The following HDAC4 variants were observed in gnomAD, a reference collection of about 807,000 sequenced individuals.
HDAC4 encodes histone deacetylase 4, also known as histone deacetylase A.
HDAC4 carries 16 observed loss-of-function variants against 135.1 expected under a neutral mutation model. The ratio of observed to expected loss-of-function variants is 0.12; its 90% CI spans 0.08 to 0.18. The LOEUF is 0.18. HDAC4 is among the 10% of genes least tolerant of loss of function. The pLI is 1.00. For missense variants in HDAC4, 1,143 were observed against 1,511.8 expected, an observed-to-expected ratio of 0.76 and a Z score of 4.05; for synonymous variants, 685 against 653.4, an observed-to-expected ratio of 1.05 and a Z score of -0.74.
intron 1 of HDAC4, among the ~76,000 whole-genome samples, chr2:239,391,382 A>AG (rs1696197630): frequency 6.6e-6 from 1 of 152,206 alleles, no homozygotes; most frequent in South Asian, 2.1e-4. Context: ...GACCTGCTGC[A>AG]GAGACACCCT....
At chr2:239,202,094 T>G (rs2045791044) in intron 3 of HDAC4, among the ~76,000 whole-genome samples, 1 of 152,134 alleles carries the variant, frequency 6.6e-6, no homozygotes, top group Non-Finnish European at 1.5e-5. Flanking sequence ...AACATTCTGA[T>G]GGAGAAGGCG....
chr2:239,086,844 C>T (rs2036016418), intron 19 of HDAC4, among the ~76,000 whole-genome samples: 1 of 152,266 alleles, frequency 6.6e-6, no homozygotes, highest in Non-Finnish European at 1.5e-5. Context: ...TCTCCATCTC[C>T]AGAGCATGGG....
At chr2:239,295,933 CTT>C (rs2051860333) in intron 2 of HDAC4, among the ~76,000 whole-genome samples, 1 of 152,206 alleles carries the variant, frequency 6.6e-6, no homozygotes, top group Admixed American at 6.5e-5. Context: ...GCAACAGCTT[CTT>C]ACAGGGTGCT....
At chr2:239,164,022 C>A in intron 5 of HDAC4, 99 bp from the exon 6 acceptor site, 2 of 1,446,138 alleles carry the variant, frequency 1.4e-6, no homozygotes, top group South Asian at 1.1e-5. Context: ...GGGCTGGGGA[C>A]GGCTATGCAC....
chr2:239,374,446 C>T (rs922679966), intron 1 of HDAC4, among the ~76,000 whole-genome samples: 2 of 122,092 alleles, frequency 1.6e-5, no homozygotes, highest in Non-Finnish European at 3.2e-5. Flanking sequence ...CTCTGTCGCC[C>T]AGGCTGGAGT....
At chr2:239,366,226 T>C (rs988114196) in intron 1 of HDAC4, among the ~76,000 whole-genome samples, 5 of 151,116 alleles carry the variant, frequency 3.3e-5, no homozygotes, top group Non-Finnish European at 7.4e-5. Flanking sequence ...GTTGTCAGGG[T>C]CACGCGTGTG....
intron 24 of HDAC4, among the ~76,000 whole-genome samples, chr2:239,057,975 C>T (rs185815752): frequency 1.7e-3 from 262 of 152,290 alleles, no homozygotes; most frequent in Non-Finnish European, 2.0e-3. Flanking sequence ...TGGGATGGGG[C>T]ACTGAGGCTA....
At chr2:239,149,692 G>C (rs915424010) in intron 7 of HDAC4, among the ~76,000 whole-genome samples, 2 of 152,212 alleles carry the variant, frequency 1.3e-5, no homozygotes, top group African/African-American at 4.8e-5. Context: ...CCTCGACTTT[G>C]AAGCACGTTG....
chr2:239,259,710 T>C (rs866092012), intron 2 of HDAC4, among the ~76,000 whole-genome samples: 3 of 152,104 alleles, frequency 2.0e-5, no homozygotes, highest in African/African-American at 7.2e-5. Flanking sequence ...TAGACCGAAG[T>C]GACAAAACCA....
intron 7 of HDAC4, among the ~76,000 whole-genome samples, chr2:239,149,768 C>T (rs1270834408): frequency 6.6e-6 from 1 of 152,098 alleles, no homozygotes; most frequent in Non-Finnish European, 1.5e-5. Context: ...GGTGACGGCA[C>T]TGCTCACTCA....
intron 7 of HDAC4, chr2:239,154,720 C>T (rs534186792): frequency 1.3e-5 from 2 of 152,300 alleles, no homozygotes. Context: ...CAGATTCTCT[C>T]CTGATACTAC....
intron 12 of HDAC4, among the ~76,000 whole-genome samples, chr2:239,120,395 GCACACAGACACA>G (rs1553622834): frequency 1.4e-4 from 20 of 145,314 alleles, no homozygotes; most frequent in African/African-American, 3.8e-4. Flanking sequence ...ACACACAGAC[GCACACAGACACA>G]CACACACAGA....
chr2:239,264,852 C>T (rs556210616), intron 2 of HDAC4, among the ~76,000 whole-genome samples: 6 of 152,318 alleles, frequency 3.9e-5, no homozygotes, highest in South Asian at 2.1e-4. Flanking sequence ...CCTTCCTACT[C>T]GGTGTTCCGG....
chr2:239,283,975 G>A (rs1036873228), intron 2 of HDAC4, among the ~76,000 whole-genome samples: 2 of 152,234 alleles, frequency 1.3e-5, no homozygotes, highest in Non-Finnish European at 2.9e-5. Context: ...CTACAGCGGT[G>A]AGGCCCCGAA....
At position 239,205,725 on chromosome 2, in the gene HDAC4, A is replaced by G. The variant is rs938731850; in HGVS notation, c.95-15648T>C. On this transcript the variant is annotated intron_variant, in intron 3 of 26. Coordinates refer to ENST00000543185, the MANE Select transcript of HDAC4 (RefSeq NM_001378414.1). ...AGGAGGGGAGGACGAGGAGGGAGGGAGAAGAACAAAGAAGGAAGAAGGAAG... is the reference window on the plus strand; with the variant it reads ...AGGAGGGGAGGACGAGGAGGGAGGGGGAAGAACAAAGAAGGAAGAAGGAAG... Among the ~76,000 whole-genome samples, 8 of 152,054 alleles carry G rather than the reference A, an allele frequency of 5.3e-5. 1 individual carries two copies. The highest frequency in any genetic ancestry group is 1.2e-4 in the Non-Finnish European group (8 of 67,998).
intron 16 of HDAC4, among the ~76,000 whole-genome samples, chr2:239,096,938 A>G (rs1377158495): frequency 6.6e-6 from 1 of 152,108 alleles, no homozygotes; most frequent in Non-Finnish European, 1.5e-5. Context: ...GCCAACAGGG[A>G]GCAGGGCAGG....
chr2:239,234,828 C>A (rs534402504), intron 3 of HDAC4, among the ~76,000 whole-genome samples: 2 of 152,140 alleles, frequency 1.3e-5, no homozygotes, highest in African/African-American at 4.8e-5. Context: ...TTGAAGCCCA[C>A]CTTTTTTGGT....
At chr2:239,338,150 C>T (rs967879728) in intron 2 of HDAC4, among the ~76,000 whole-genome samples, 5 of 152,180 alleles carry the variant, frequency 3.3e-5, no homozygotes. Flanking sequence ...CCGCTCCCAG[C>T]TGGCTTGGTC....
intron 1 of HDAC4, among the ~76,000 whole-genome samples, chr2:239,354,590 T>TGC (rs1693372634): frequency 1.4e-5 from 1 of 72,682 alleles, no homozygotes; most frequent in African/African-American, 5.8e-5. Context: ...TTTTTTTTTT[T>TGC]GCCAATTGCT....
Sources: allele counts gnomAD v4.1 joint callset (sites outside exome capture counted in the v4.1 genomes callset), GRCh38; gene constraint gnomAD v4.1.1; transcripts MANE v1.5; gene names NCBI Gene and HGNC (gene_info 2026-07-23, HGNC 2026-07-21).